MGMT: variants seen among roughly 807,000 people sequenced by gnomAD.
The protein encoded by MGMT is O-6-methylguanine-DNA methyltransferase, also known as methylated-DNA--protein-cysteine methyltransferase.
A neutral mutation model predicts 15.9 loss-of-function variants in MGMT; 14 were observed. The ratio of observed to expected loss-of-function variants is 0.88; its 90% confidence interval spans 0.58 to 1.37. The LOEUF is 1.37. Ranked by LOEUF, MGMT falls within the 40% of genes most tolerant of loss-of-function variation. The probability of loss-of-function intolerance (pLI) is 0.00; values close to 1 mark genes in which losing one functional copy is unlikely to be tolerated. For missense variants in MGMT, 282 were observed against 268.1 expected, an observed-to-expected ratio of 1.05 and a Z score of -0.36; for synonymous variants, 130 against 118.2, an observed-to-expected ratio of 1.10 and a Z score of -0.65.
intron 1 of MGMT, among the ~76,000 whole-genome samples, chr10:129,485,888 C>CT (rs1564831489): frequency 6.6e-6 from 1 of 152,194 alleles, no homozygotes. Flanking sequence ...TGACCCCAGA[C>CT]TTTTTACCAG....
At chr10:129,593,846 A>T (rs947829277) in intron 2 of MGMT, among the ~76,000 whole-genome samples, 3 of 152,206 alleles carry the variant, frequency 2.0e-5, no homozygotes, top group African/African-American at 7.2e-5. Flanking sequence ...TGCTCAGTGA[A>T]TCCACGCTCC....
intron 1 of MGMT, among the ~76,000 whole-genome samples, chr10:129,474,612 G>A (rs1845269193): frequency 6.6e-6 from 1 of 152,196 alleles, no homozygotes; most frequent in East Asian, 1.9e-4. Context: ...AGGCGAGGAT[G>A]GCAGCGGTGG....
chr10:129,528,313 G>A (rs1466072406), intron 1 of MGMT, among the ~76,000 whole-genome samples: 2 of 151,588 alleles, frequency 1.3e-5, no homozygotes, highest in Non-Finnish European at 2.9e-5. Context: ...GCCATGGAGA[G>A]CTGCAGTGGT....
intron 1 of MGMT, among the ~76,000 whole-genome samples, chr10:129,511,638 G>A (rs955867140): frequency 2.6e-5 from 4 of 152,194 alleles, no homozygotes; most frequent in East Asian, 1.9e-4. Context: ...ATATTCACCT[G>A]GCCATCAGTT....
chr10:129,558,094 G>A lies in MGMT; in HGVS notation c.125+21717G>A, dbSNP rs147305653. On this transcript the variant is annotated intron_variant, in intron 2 of 4. Transcript: ENST00000651593. ...CATCCCACGTGTGCGTGAAGAGCCC[G>A]CACAGGCCCCCTGTGCGCCCGGGGT... is the stretch of plus-strand genomic sequence containing the variant. Among the ~76,000 whole-genome samples the A allele has an allele frequency of 3.7e-3, 571 of 152,278 alleles. 2 individuals carry two copies. The highest frequency in any genetic ancestry group is 0.013 in the African/African-American group (547 of 41,570).
chr10:129,556,299 A>G lies in MGMT; in HGVS notation c.125+19922A>G, dbSNP rs952395249. On this transcript the variant is annotated intron_variant, in intron 2 of 4. Coordinates refer to ENST00000651593, the MANE Select transcript of MGMT (RefSeq NM_002412.5). The surrounding 1 kb of genome is among the most constrained non-coding windows in gnomAD (Gnocchi z 4.3). Reference sequence around the variant, plus strand: ...ATTTTTGAGATAGGGTCTCTTAGAAAGGTGATTAGGGTAACTCAGGGTCAT... The same window carrying G: ...ATTTTTGAGATAGGGTCTCTTAGAAGGGTGATTAGGGTAACTCAGGGTCAT... 6.6e-6 allele frequency among the ~76,000 whole-genome samples: 1 copy of G among 152,092 alleles called. No homozygotes were observed. The highest frequency in any genetic ancestry group is 2.4e-5 in the African/African-American group (1 of 41,408).
intron 1 of MGMT, among the ~76,000 whole-genome samples, chr10:129,520,249 C>T (rs1227297275): frequency 6.6e-6 from 1 of 152,178 alleles, no homozygotes; most frequent in Non-Finnish European, 1.5e-5. Context: ...CTGTGATGTA[C>T]AGCCGCTGGC....
chr10:129,724,626 A>G (rs554631784), intron 3 of MGMT, among the ~76,000 whole-genome samples: 13 of 150,948 alleles, frequency 8.6e-5, no homozygotes, highest in African/African-American at 3.2e-4. Context: ...GAGAGAGTAC[A>G]CTGATGTCTG....
intron 2 of MGMT, among the ~76,000 whole-genome samples, chr10:129,653,498 C>A (rs951327439): frequency 6.6e-6 from 1 of 152,170 alleles, no homozygotes; most frequent in East Asian, 1.9e-4. Flanking sequence ...ACTGAGTGGC[C>A]CCCAGGCCGA....
chr10:129,748,126 C>G (rs944748953), intron 3 of MGMT, among the ~76,000 whole-genome samples: 1 of 152,202 alleles, frequency 6.6e-6, no homozygotes, highest in African/African-American at 2.4e-5. Context: ...ACCTAACACA[C>G]TTAGGAATGG....
chr10:129,725,416 ATC>A (rs1848421214), intron 3 of MGMT, among the ~76,000 whole-genome samples: 3 of 152,252 alleles, frequency 2.0e-5, no homozygotes, highest in Admixed American at 2.0e-4. Flanking sequence ...AGGCAGAGTT[ATC>A]TAATTACGGA....
chr10:129,556,685 G>A lies in MGMT; in HGVS notation c.125+20308G>A, dbSNP rs1166284572. Among the ~76,000 whole-genome samples, 1 of 152,220 alleles carries A rather than the reference G, an allele frequency of 6.6e-6. No homozygotes were observed. The highest frequency in any genetic ancestry group is 1.5e-5 in the Non-Finnish European group (1 of 68,042). ...GACGGCAAAGTCAGGACGGGCAGGA[G>A]CGTTCTAGGCAAATGATGAAAATGG... On this transcript the variant is annotated intron_variant, in intron 2 of 4. Coordinates refer to ENST00000651593, the MANE Select transcript of MGMT (RefSeq NM_002412.5). The surrounding 1 kb of genome is among the most constrained non-coding windows in gnomAD (Gnocchi z 4.3).
At chr10:129,666,526 T>C (rs1328364875) in intron 2 of MGMT, among the ~76,000 whole-genome samples, 1 of 152,234 alleles carries the variant, frequency 6.6e-6, no homozygotes, top group African/African-American at 2.4e-5. Context: ...AATGTTTGTT[T>C]TATAAATGAG....
At chr10:129,590,058 C>T (rs948360892) in intron 2 of MGMT, among the ~76,000 whole-genome samples, 1 of 152,112 alleles carries the variant, frequency 6.6e-6, no homozygotes, top group African/African-American at 2.4e-5. Flanking sequence ...ATCACAGGGC[C>T]ACAGCATATC....
chr10:129,715,027 G>T, intron 3 of MGMT, among the ~76,000 whole-genome samples: 1 of 152,170 alleles, frequency 6.6e-6, no homozygotes. Flanking sequence ...CGGGGGTAAA[G>T]GAAGCAGCCC....
chr10:129,621,480 G>C (rs76291856), intron 2 of MGMT, among the ~76,000 whole-genome samples: 1 of 152,154 alleles, frequency 6.6e-6, no homozygotes, highest in Non-Finnish European at 1.5e-5. Flanking sequence ...TTGAAAGGGC[G>C]CAGGGGGGTT....
At chr10:129,639,167 A>T (rs758637651) in intron 2 of MGMT, among the ~76,000 whole-genome samples, 85 of 152,188 alleles carry the variant, frequency 5.6e-4, no homozygotes, top group Non-Finnish European at 9.4e-4. Context: ...CAAAGATCTT[A>T]AAAAACCATG....
At position 129,477,320 on chromosome 10, in the gene MGMT, T is replaced by C. The variant is rs1257534537; in HGVS notation, c.-13+10024T>C. Among the ~76,000 whole-genome samples, 3 of 152,148 alleles carry C rather than the reference T, an allele frequency of 2.0e-5. No individual in the cohort carries two copies. In the East Asian group the frequency reaches 5.8e-4, roughly 29 times the overall value. On this transcript the variant is annotated intron_variant, in intron 1 of 4. Transcript: ENST00000651593. ...TTGTTTCCATCTCTTGATGGTGGGA[T>C]GCTAGATTGGATGCTCTCCAAGGCC...
chr10:129,615,117 A>G (rs1847008292), intron 2 of MGMT, among the ~76,000 whole-genome samples: 1 of 152,204 alleles, frequency 6.6e-6, no homozygotes, highest in African/African-American at 2.4e-5. Context: ...AGCATAAGCT[A>G]CATTTTCCAT....
Sources: allele counts gnomAD v4.1 joint callset (sites outside exome capture counted in the v4.1 genomes callset), GRCh38; gene constraint gnomAD v4.1.1; non-coding constraint Gnocchi (gnomAD v3.1); transcripts MANE v1.5; gene names NCBI Gene and HGNC (gene_info 2026-07-23, HGNC 2026-07-21).